Variants in FER observed in about 807,000 individuals in gnomAD.
The protein encoded by FER is FER tyrosine kinase.
In FER, 63 loss-of-function variants were observed where a neutral mutation model predicts 111.0. That is an observed-to-expected ratio of 0.57 (90% CI 0.46 to 0.70). FER has a LOEUF of 0.70. Ranked by LOEUF, FER falls within the 30% of genes least tolerant of loss-of-function variation. FER has a pLI of 0.00. For missense variants in FER, 914 were observed against 954.0 expected (o/e 0.96, Z 0.55); for synonymous variants, 327 against 313.9 (o/e 1.04, Z -0.44).
intron 17 of FER, among the ~76,000 whole-genome samples, chr5:109,117,111 T>C (rs1364597005): frequency 6.6e-5 from 10 of 152,180 alleles, no homozygotes; most frequent in Non-Finnish European, 2.9e-5. Context: ...TTCTCAGATA[T>C]AATATGTTAA....
At chr5:108,900,397 C>A (rs1012251654) in intron 10 of FER, among the ~76,000 whole-genome samples, 1 of 152,114 alleles carries the variant, frequency 6.6e-6, no homozygotes, top group African/African-American at 2.4e-5. Flanking sequence ...ATGATTTTGT[C>A]CCCAAATGAC....
chr5:108,981,700 G>A (rs987675285), intron 13 of FER, among the ~76,000 whole-genome samples: 3 of 151,956 alleles, frequency 2.0e-5, no homozygotes, highest in African/African-American at 7.2e-5. Context: ...CTTACGAGGT[G>A]GATATTATTT....
chr5:109,006,529 C>A (rs371364348), intron 13 of FER, among the ~76,000 whole-genome samples: 20 of 152,280 alleles, frequency 1.3e-4, no homozygotes, highest in East Asian at 1.2e-3. Flanking sequence ...ATAAATTACC[C>A]AGTCTTTGGT....
In FER at chr5:109,063,025, G is replaced by A. The variant is rs1774623648; in HGVS notation, c.1924+15827G>A. 2.0e-5 allele frequency among the ~76,000 whole-genome samples: 3 copies of A among 152,060 alleles called. No homozygotes were observed. In the South Asian group the frequency reaches 6.2e-4, roughly 32 times the overall value. Reference sequence around the variant, plus strand: ...TCTGTAACATGACATTTTATTTATGGTTTAAAAAAAGTAATTGAGTTCATT... The same window carrying A: ...TCTGTAACATGACATTTTATTTATGATTTAAAAAAAGTAATTGAGTTCATT... On this transcript the variant is annotated intron_variant, in intron 16 of 19. Coordinates refer to ENST00000281092, the MANE Select transcript of FER (RefSeq NM_005246.4).
At chr5:108,877,217 C>G (rs1041563982) in intron 8 of FER, among the ~76,000 whole-genome samples, 19 of 152,064 alleles carry the variant, frequency 1.2e-4, no homozygotes, top group African/African-American at 4.6e-4. Context: ...ACAGTATTAG[C>G]TCAAGTTTGG....
At chr5:109,135,687 A>G (rs1412280116) in intron 17 of FER, among the ~76,000 whole-genome samples, 1 of 151,786 alleles carries the variant, frequency 6.6e-6, no homozygotes, top group Non-Finnish European at 1.5e-5. Context: ...GTAATCCAGG[A>G]CTCCCACTCT....
At chr5:108,789,398 T>C (rs1251410130) in intron 2 of FER, among the ~76,000 whole-genome samples, 1 of 152,100 alleles carries the variant, frequency 6.6e-6, no homozygotes, top group African/African-American at 2.4e-5. Flanking sequence ...TTTTGCCTTA[T>C]ACATCTCTAT....
chr5:108,944,255 T>G (rs1756679233), intron 10 of FER, among the ~76,000 whole-genome samples: 1 of 152,272 alleles, frequency 6.6e-6, no homozygotes, highest in East Asian at 1.9e-4. Flanking sequence ...ATAGTTGTAC[T>G]TACAGCACTT....
intron 16 of FER, among the ~76,000 whole-genome samples, chr5:109,067,227 TTTGTTG>T (rs111663056): frequency 0.012 from 1,793 of 150,108 alleles, 24 homozygotes; most frequent in Non-Finnish European, 0.016. Context: ...GAGTGACTGG[TTTGTTG>T]TTGTTGTTGT....
intron 17 of FER, among the ~76,000 whole-genome samples, chr5:109,173,863 A>G (rs1757413768): frequency 6.6e-6 from 1 of 151,962 alleles, no homozygotes; most frequent in East Asian, 1.9e-4. Flanking sequence ...TCCTTCAAGA[A>G]TAAGCAGTCA....
chr5:108,844,705 C>T (rs1267414908), intron 5 of FER, among the ~76,000 whole-genome samples: 1 of 151,906 alleles, frequency 6.6e-6, no homozygotes, highest in African/African-American at 2.4e-5. Context: ...TGCCTTCTGT[C>T]ACTGTATAGT....
intron 8 of FER, 112 bp downstream of exon 8, chr5:108,872,324 T>G: frequency 1.9e-6 from 2 of 1,076,628 alleles, no homozygotes; most frequent in Non-Finnish European, 2.6e-6. Context: ...AGTAAATTTT[T>G]GGGGTCAGAG....
At chr5:109,116,787 C>T (rs1750310223) in intron 17 of FER, among the ~76,000 whole-genome samples, 2 of 152,078 alleles carry the variant, frequency 1.3e-5, no homozygotes, top group Admixed American at 6.6e-5. Context: ...AGTTTGAAGA[C>T]AAATGGCATT....
At position 108,936,213 on chromosome 5, in the gene FER, A is replaced by G. The variant is rs566146189; in HGVS notation, c.1237-9917A>G. Among the ~76,000 whole-genome samples, 7 of 152,194 alleles carry G rather than the reference A, an allele frequency of 4.6e-5. No homozygotes were observed. In the South Asian group the frequency reaches 1.4e-3, roughly 32 times the overall value. ...TTGAGGGGATTTTCAAATTCTCAAT[A>G]TTTAAACTTTTTATTCAAGGAAAAT... On this transcript the variant is annotated intron_variant, in intron 10 of 19. Transcript: ENST00000281092.
At chr5:108,950,997 A>G (rs1377432826) in intron 11 of FER, among the ~76,000 whole-genome samples, 3 of 152,090 alleles carry the variant, frequency 2.0e-5, no homozygotes, top group Non-Finnish European at 4.4e-5. Flanking sequence ...AGGGCCAGGC[A>G]TGGTGGCTCA....
intron 17 of FER, among the ~76,000 whole-genome samples, chr5:109,145,854 T>C (rs1013048685): frequency 5.3e-5 from 8 of 151,856 alleles, no homozygotes; most frequent in Admixed American, 2.6e-4. Flanking sequence ...CTTGAGTAGA[T>C]GTGCTGAATA....
chr5:108,872,792 A>G (rs1468659974), intron 8 of FER, among the ~76,000 whole-genome samples: 1 of 152,230 alleles, frequency 6.6e-6, no homozygotes, highest in Non-Finnish European at 1.5e-5. Flanking sequence ...TTGAATTTAG[A>G]AAACATAAGG....
chr5:108,789,718 TCAGACTCCCAAGTAGCTAGGACTA>T (rs1755135540), intron 2 of FER, among the ~76,000 whole-genome samples: 1 of 152,058 alleles, frequency 6.6e-6, no homozygotes, highest in Admixed American at 6.6e-5. Flanking sequence ...TTCTTGTGTC[TCAGACTCCCAAGTAGCTAGGACTA>T]CAGGTGCACG....
At chr5:108,953,931 G>C (rs1758089452) in intron 11 of FER, among the ~76,000 whole-genome samples, 1 of 152,026 alleles carries the variant, frequency 6.6e-6, no homozygotes, top group Non-Finnish European at 1.5e-5. Flanking sequence ...CTTGTAATCA[G>C]AAAATGTGTG....
Sources: gnomAD v4.1 joint callset for allele counts (sites outside exome capture counted in the v4.1 genomes callset) on GRCh38, gnomAD v4.1.1 for gene constraint, MANE v1.5 for transcripts, NCBI Gene and HGNC (gene_info 2026-07-23, HGNC 2026-07-21) for gene names.